Variants in SEM1 observed in about 807,000 individuals in gnomAD.
SEM1 encodes 26S proteasome complex subunit SEM1.
SEM1 carries 3 observed loss-of-function variants against 12.7 expected under a neutral mutation model. That is an observed-to-expected ratio of 0.24 (90% CI 0.11 to 0.61). The LOEUF is 0.61. Among genes scored for constraint, SEM1 ranks in the 20% least tolerant of loss-of-function variants. SEM1 has a pLI of 0.88. For missense variants in SEM1, 59 were observed against 81.3 expected (o/e 0.73, Z 1.06); for synonymous variants, 30 against 27.8 (o/e 1.08, Z -0.25).
chr7:96,607,451 T>G (rs1227893430), intron 2 of SEM1, among the ~76,000 whole-genome samples: 1 of 152,218 alleles, frequency 6.6e-6, no homozygotes, highest in African/African-American at 2.4e-5. Flanking sequence ...GACTGTTCAC[T>G]CTTTTTGAGG....
At chr7:96,577,561 T>A (rs1563068748) in intron 2 of SEM1, among the ~76,000 whole-genome samples, 1 of 152,104 alleles carries the variant, frequency 6.6e-6, no homozygotes, top group African/African-American at 2.4e-5. Context: ...GGGAAAATGT[T>A]TCCCTGAGAA....
intron 2 of SEM1, among the ~76,000 whole-genome samples, chr7:96,565,100 T>A (rs1317290008): frequency 6.6e-6 from 1 of 152,018 alleles, no homozygotes; most frequent in Non-Finnish European, 1.5e-5. Flanking sequence ...AATCCAGGAA[T>A]CCTCATCAGA....
At chr7:96,579,786 C>A (rs777918241) in intron 2 of SEM1, among the ~76,000 whole-genome samples, 1 of 151,826 alleles carries the variant, frequency 6.6e-6, no homozygotes, top group Admixed American at 6.6e-5. Context: ...CTATATACAC[C>A]CTTTATACCA....
downstream of SEM1, among the ~76,000 whole-genome samples, chr7:96,669,832 A>G (rs188981663): frequency 1.1e-4 from 17 of 152,332 alleles, no homozygotes; most frequent in Admixed American, 2.0e-4. Flanking sequence ...GTATTCAAAG[A>G]TATTTTAATA....
intron 2 of SEM1, among the ~76,000 whole-genome samples, chr7:96,573,398 C>G (rs953312660): frequency 3.9e-5 from 6 of 152,018 alleles, no homozygotes; most frequent in African/African-American, 1.4e-4. Flanking sequence ...TTTGCAGTGG[C>G]TGGTACCGGT....
At chr7:96,604,708 C>A (rs1281546601) in intron 2 of SEM1, among the ~76,000 whole-genome samples, 1 of 151,896 alleles carries the variant, frequency 6.6e-6, no homozygotes, top group Non-Finnish European at 1.5e-5. Context: ...CACTTGAGGT[C>A]CAGAGTTCGA....
chr7:96,639,963 G>C (rs1446074167), intron 2 of SEM1, among the ~76,000 whole-genome samples: 1 of 151,912 alleles, frequency 6.6e-6, no homozygotes, highest in African/African-American at 2.4e-5. Context: ...CATACGAAAA[G>C]ATGTTCCACA....
intron 2 of SEM1, among the ~76,000 whole-genome samples, chr7:96,589,864 T>C (rs1482437379): frequency 6.6e-6 from 1 of 152,194 alleles, no homozygotes; most frequent in Non-Finnish European, 1.5e-5. Flanking sequence ...GCTTCACTAG[T>C]TTTGAGTGAC....
chr7:96,498,068 T>C (rs942049069), upstream of SEM1, among the ~76,000 whole-genome samples: 4 of 152,074 alleles, frequency 2.6e-5, no homozygotes, highest in African/African-American at 9.7e-5. Context: ...CTGCGCTGAG[T>C]GTTTTACATG....
At chr7:96,705,782 T>C (rs919427119) in intron 1 of SEM1, among the ~76,000 whole-genome samples, 2 of 150,388 alleles carry the variant, frequency 1.3e-5, no homozygotes, top group African/African-American at 4.9e-5. Context: ...ATTGCGCCAC[T>C]GCACTCCAGC....
chr7:96,551,909 T>C (rs1228519664), intron 2 of SEM1, among the ~76,000 whole-genome samples: 1 of 152,124 alleles, frequency 6.6e-6, no homozygotes, highest in Non-Finnish European at 1.5e-5. Context: ...TATTTCAGAC[T>C]TCTGGCCCCA....
At chr7:96,584,565 T>A (rs1325265983) in intron 2 of SEM1, among the ~76,000 whole-genome samples, 1 of 152,024 alleles carries the variant, frequency 6.6e-6, no homozygotes, top group Non-Finnish European at 1.5e-5. Flanking sequence ...CAGAGTGTTT[T>A]CCAACTTGGT....
At chr7:96,551,210 C>G (rs192313553) in intron 2 of SEM1, among the ~76,000 whole-genome samples, 1 of 152,106 alleles carries the variant, frequency 6.6e-6, no homozygotes, top group Non-Finnish European at 1.5e-5. Flanking sequence ...GTTTTGGCCA[C>G]GTTTACCAAA....
intron 2 of SEM1, among the ~76,000 whole-genome samples, chr7:96,518,456 A>G (rs1804165643): frequency 6.6e-6 from 1 of 152,176 alleles, no homozygotes. Flanking sequence ...TAAGGCTGAC[A>G]GCCTATGCCA....
chr7:96,584,174 A>T (rs1320297898), intron 2 of SEM1, among the ~76,000 whole-genome samples: 1 of 151,958 alleles, frequency 6.6e-6, no homozygotes, highest in African/African-American at 2.4e-5. Flanking sequence ...TGGTGACAAA[A>T]TCTGTCAGCA....
chr7:96,624,516 T>C (rs956134293), intron 2 of SEM1, among the ~76,000 whole-genome samples: 1 of 152,182 alleles, frequency 6.6e-6, no homozygotes, highest in African/African-American at 2.4e-5. Context: ...TACTTATTTT[T>C]TTCCTCTACA....
upstream of SEM1, among the ~76,000 whole-genome samples, chr7:96,499,353 T>C (rs1022334481): frequency 3.3e-5 from 5 of 152,282 alleles, no homozygotes; most frequent in East Asian, 9.7e-4. Flanking sequence ...ATTAATAAAA[T>C]TGAGACTGAG....
intron 2 of SEM1, among the ~76,000 whole-genome samples, chr7:96,556,044 T>C (rs1805484459): frequency 6.6e-6 from 1 of 151,484 alleles, no homozygotes; most frequent in African/African-American, 2.4e-5. Flanking sequence ...ATTTGCTTGG[T>C]AGATCTTCCT....
chr7:96,600,642 C>A (rs1028965469), intron 2 of SEM1, among the ~76,000 whole-genome samples: 1 of 152,130 alleles, frequency 6.6e-6, no homozygotes, highest in Non-Finnish European at 1.5e-5. Context: ...GCCATGTCAC[C>A]TTGGTTTTCA....
Sources: gnomAD v4.1 joint callset for allele counts (sites outside exome capture counted in the v4.1 genomes callset) on GRCh38, gnomAD v4.1.1 for gene constraint, MANE v1.5 for transcripts, NCBI Gene and HGNC (gene_info 2026-07-23, HGNC 2026-07-21) for gene names.